Variants in RADIL observed in about 807,000 individuals in gnomAD.
RADIL encodes the protein Rap associating with DIL domain.
RADIL carries 99 observed loss-of-function variants against 97.6 expected under a neutral mutation model. The observed-to-expected ratio is 1.01, with a 90% CI of 0.86 to 1.20. The LOEUF is 1.20. RADIL is among the 50% of genes most tolerant of loss of function. RADIL has a pLI of 0.00. For synonymous variants in RADIL, 803 were observed against 691.8 expected (o/e 1.16, Z -2.52); for missense variants, 1,765 against 1,498.9 (o/e 1.18, Z -2.93).
intron 2 of RADIL, chr7:4,861,428 C>A (rs765484496): frequency 6.2e-7 from 1 of 1,614,176 alleles, no homozygotes; most frequent in South Asian, 1.1e-5. Context: ...GAAAAAGTCG[C>A]TTCGATCCAC....
chr7:4,861,841 C>CCCCACCACCGCGACCTTCACGTCT, intron 2 of RADIL: 1 of 1,397,804 alleles, frequency 7.2e-7, no homozygotes, highest in Non-Finnish European at 9.3e-7. Context: ...AGGGCACGTC[C>CCCCACCACCGCGACCTTCACGTCT]CCCACCACCG....
At chr7:4,865,363 T>C (rs977673476) in intron 2 of RADIL, 15 of 534,372 alleles carry the variant, frequency 2.8e-5, no homozygotes, top group Non-Finnish European at 5.1e-5. Context: ...TTCTGTGTGG[T>C]TTTTTTTTGT....
intron 12 of RADIL, among the ~76,000 whole-genome samples, chr7:4,801,155 G>T (rs544477652): frequency 6.6e-6 from 1 of 151,676 alleles, no homozygotes; most frequent in African/African-American, 2.4e-5. Context: ...CACACACAAT[G>T]CACACCATGC....
At chr7:4,805,870 A>G in intron 9 of RADIL, 154 bp from the exon 10 acceptor site, 2 of 985,438 alleles carry the variant, frequency 2.0e-6, no homozygotes, top group Non-Finnish European at 2.4e-6. Flanking sequence ...GGACGGTGTC[A>G]CAGCAGCAGT....
chr7:4,874,598 G>A (rs1398220631), intron 2 of RADIL, among the ~76,000 whole-genome samples: 1 of 152,252 alleles, frequency 6.6e-6, no homozygotes, highest in African/African-American at 2.4e-5. Context: ...CCAGCTCTGG[G>A]TAGGTAACAC....
intron 9 of RADIL, chr7:4,809,683 AT>A (rs1583270451): frequency 6.4e-6 from 6 of 937,600 alleles, no homozygotes; most frequent in Non-Finnish European, 6.4e-6. Context: ...ATTTTATTTT[AT>A]TTAATTGATT....
chr7:4,803,435 G>A (rs1583258865), intron 11 of RADIL, 111 bp downstream of exon 11: 18 of 963,546 alleles, frequency 1.9e-5, no homozygotes, highest in Middle Eastern at 3.5e-4. Flanking sequence ...CGGGCACCTC[G>A]GGGCACGCTG....
rs999535381 is a variant in RADIL at position 4,873,925 on chromosome 7, A to T, written c.535+3680T>A. Among the ~76,000 whole-genome samples the T allele has an allele frequency of 1.3e-5, 2 of 151,514 alleles. No individual in the cohort carries two copies. Among genetic ancestry groups the T allele is most frequent in the Admixed American group, 1.3e-4 (2 of 15,216 alleles). The stretch of plus-strand genomic sequence containing the variant: ...GCTGGAGAAGCTGCTACAGTGAAAA[A>T]CCCCTCGGCTTCCCACCTCCTCCCC... On this transcript the variant is annotated intron_variant, in intron 2 of 14. Transcript: ENST00000399583. This position sits in a 1 kb window ranked among gnomAD's most constrained non-coding sequence, Gnocchi z 4.3.
At chr7:4,862,320 G>A (rs1173884297) in intron 2 of RADIL, among the ~76,000 whole-genome samples, 3 of 152,244 alleles carry the variant, frequency 2.0e-5, no homozygotes. Flanking sequence ...CCCTTTGGAA[G>A]TCCAAAGACC....
At chr7:4,862,832 G>C (rs1382020866) in intron 2 of RADIL, among the ~76,000 whole-genome samples, 1 of 151,984 alleles carries the variant, frequency 6.6e-6, no homozygotes, top group Non-Finnish European at 1.5e-5. Context: ...GAGAGGCAGA[G>C]GTTGCGGTGA....
chr7:4,805,980 G>T, intron 9 of RADIL: 1 of 985,448 alleles, frequency 1.0e-6, no homozygotes. Flanking sequence ...TCAAGCAAGG[G>T]CCGGCCTCAC....
chr7:4,862,003 AC>A (rs964078167), intron 2 of RADIL: 1 of 435,012 alleles, frequency 2.3e-6, no homozygotes, highest in Non-Finnish European at 4.1e-6. Flanking sequence ...ATGGCGCCAG[AC>A]CCCTCAGCGG....
Position 4,836,349 on chromosome 7 carries a change from G to A in RADIL, c.783+9C>T, listed in dbSNP as rs1188006231. On this transcript the variant is annotated intron_variant, in intron 3 of 14. Coordinates refer to ENST00000399583, the MANE Select transcript of RADIL (RefSeq NM_018059.5). ...CACCGGGCAGTGGGTGTCAGGAGGG[G>A]AGGCTCACGTGCTGCTGGCTGTAGC... 2.6e-6 allele frequency: 4 copies of A among 1,567,764 alleles called. No homozygotes were observed. Among genetic ancestry groups the A allele is most frequent in the Middle Eastern group, 1.7e-4 (1 of 5,906 alleles).
Position 4,805,601 on chromosome 7 carries a change from G to A in RADIL, c.2255C>T (p.Pro752Leu). 3.1e-6 allele frequency: 5 copies of A among 1,611,626 alleles called. No individual in the cohort carries two copies. Among genetic ancestry groups the A allele is most frequent in the Non-Finnish European group, 4.2e-6 (5 of 1,179,570 alleles). The change falls in exon 10 of 15, where the codon CCA (proline) becomes CTA (leucine). Residue 752 changes from proline to leucine, a missense_variant. Coordinates refer to ENST00000399583, the MANE Select transcript of RADIL (RefSeq NM_018059.5). ...SAMGPMSTWE[P>L]GAQDSPEAFR... ...GGCCTCGGGGCTGTCCTGGGCCCCT[G>A]GCTCCCAGGTGCTCATGGGGCCCAT...
Position 4,799,468 on chromosome 7 carries a change from G to A in RADIL, c.3138C>T (p.Ile1046=). ...ACCGCATCTTCTTCCCGCCATGACG[G>A]ATCAGGTCCACAGCTCTGAAATCCA... The part of the protein sequence containing the change: ...GLGYLRAVDL[I]RHGGKKMRFL... The change falls in exon 15 of 15, where the codon ATC becomes ATT. Residue 1046 remains isoleucine (I), a synonymous_variant. Coordinates refer to ENST00000399583, the MANE Select transcript of RADIL (RefSeq NM_018059.5). 6.2e-7 allele frequency: 1 copy of A among 1,613,992 alleles called. No individual in the cohort carries two copies. Among genetic ancestry groups the A allele is most frequent in the Non-Finnish European group, 8.5e-7 (1 of 1,179,990 alleles).
At position 4,836,455 on chromosome 7, in the gene RADIL, G is replaced by A; in HGVS notation, c.686C>T (p.Ala229Val). The A allele has an allele frequency of 6.2e-7, 1 of 1,601,910 alleles. No individual in the cohort carries two copies. The highest frequency in any genetic ancestry group is 8.5e-7 in the Non-Finnish European group (1 of 1,174,654). The change falls in exon 3 of 15, where the codon GCC becomes GTC. Residue 229 changes from alanine to valine, a missense_variant. Transcript: ENST00000399583. ...SLSPVNALPA[A>V]AQGPEEPGPD... ...GCCGGGCTCCTCGGGGCCCTGGGCG[G>A]CAGCGGGCAGGGCGTTCACTGGGCT... is the stretch of plus-strand genomic sequence containing the variant.
At chr7:4,832,027 C>T (rs1783157099) in intron 5 of RADIL, 114 bp downstream of exon 5, 10 of 1,128,042 alleles carry the variant, frequency 8.9e-6, no homozygotes, top group Non-Finnish European at 1.3e-5. Flanking sequence ...AAGGACAAAG[C>T]CCAGAGCTGA....
At chr7:4,827,029 G>A (rs1783001763) in intron 5 of RADIL, among the ~76,000 whole-genome samples, 1 of 152,188 alleles carries the variant, frequency 6.6e-6, no homozygotes, top group Non-Finnish European at 1.5e-5. Context: ...GAAAGGGGAT[G>A]TGGTACTCAC....
intron 2 of RADIL, among the ~76,000 whole-genome samples, chr7:4,865,075 A>G (rs540957773): frequency 1.6e-4 from 25 of 152,264 alleles, no homozygotes; most frequent in African/African-American, 5.1e-4. Context: ...TCTTCACACA[A>G]TGCTGTTCTG....
Sources: allele counts gnomAD v4.1 joint callset (sites outside exome capture counted in the v4.1 genomes callset), GRCh38; gene constraint gnomAD v4.1.1; non-coding constraint Gnocchi (gnomAD v3.1); transcripts MANE v1.5; gene names NCBI Gene and HGNC (gene_info 2026-07-23, HGNC 2026-07-21).